The following SYNPR variants were observed in gnomAD, a reference collection of about 807,000 sequenced individuals.
SYNPR encodes the protein synaptoporin.
In SYNPR, 23 loss-of-function variants were observed where a neutral mutation model predicts 32.9. The ratio of observed to expected loss-of-function variants is 0.70; its 90% confidence interval spans 0.50 to 0.99. SYNPR has a LOEUF of 0.99. Among genes scored for constraint, SYNPR ranks in the 50% least tolerant of loss-of-function variants. The pLI, the probability that SYNPR is intolerant of heterozygous loss-of-function variation, is 0.00. For synonymous variants in SYNPR, 146 were observed against 135.9 expected (o/e 1.07, Z -0.52); for missense variants, 318 against 349.3 (o/e 0.91, Z 0.71).
chr3:63,390,474 T>C (rs1050796806), intron 2 of SYNPR, among the ~76,000 whole-genome samples: 3 of 152,168 alleles, frequency 2.0e-5, no homozygotes, highest in Admixed American at 6.5e-5. Context: ...TAGGGTGTCA[T>C]CACCAACTGC....
At position 63,426,224 on chromosome 3, in the gene SYNPR, G is replaced by A. The variant is rs187595482; in HGVS notation, c.85-54608G>A. ...TCCAAGGTTATATGCCTGTAAGTGG[G>A]GAAGCATTCAAACCCTTGTCTTCTC... On this transcript the variant is annotated intron_variant, in intron 2 of 5. Transcript: ENST00000478300. 1.1e-4 allele frequency among the ~76,000 whole-genome samples: 16 copies of A among 152,244 alleles called. No individual in the cohort carries two copies. In the East Asian group the frequency reaches 2.5e-3, roughly 24 times the overall value.
At chr3:63,248,544 T>C (rs1345245434) in intron 1 of SYNPR, among the ~76,000 whole-genome samples, 1 of 152,062 alleles carries the variant, frequency 6.6e-6, no homozygotes, top group East Asian at 1.9e-4. Context: ...TGCTACAGAA[T>C]CGAGGTGTTG....
At chr3:63,278,835 CCAAGCCGGAGATTCAACCCT>C in intron 2 of SYNPR, 93 bp downstream of exon 2, 1 of 1,358,522 alleles carries the variant, frequency 7.4e-7, no homozygotes, top group Non-Finnish European at 1.0e-6. Context: ...CAGTTCTGCT[CCAAGCCGGAGATTCAACCCT>C]CAAGCCGGGG....
At chr3:63,211,786 G>T in the SYNPR span, among the ~76,000 whole-genome samples, 1 of 142,150 alleles carries the variant, frequency 7.0e-6, no homozygotes, top group Non-Finnish European at 1.5e-5. Flanking sequence ...GTATACATGT[G>T]CCATGCTGGT....
chr3:63,610,357 G>A, intron 5 of SYNPR: 1 of 476,446 alleles, frequency 2.1e-6, no homozygotes, highest in Non-Finnish European at 3.8e-6. Flanking sequence ...TATAATGGCA[G>A]CAAAAAGCAG....
intron 3 of SYNPR, among the ~76,000 whole-genome samples, chr3:63,506,045 C>A (rs538108187): frequency 1.1e-4 from 16 of 151,860 alleles, no homozygotes; most frequent in Non-Finnish European, 1.8e-4. Context: ...GATTACTCCT[C>A]CACACTTTGT....
intron 2 of SYNPR, among the ~76,000 whole-genome samples, chr3:63,388,793 C>A (rs1015637939): frequency 6.6e-6 from 1 of 151,920 alleles, no homozygotes; most frequent in African/African-American, 2.4e-5. Flanking sequence ...AGAGACCAAG[C>A]CACATGAGGC....
chr3:63,289,438 T>C (rs2367781), intron 2 of SYNPR: 71,599 of 162,094 alleles, frequency 0.44, 16,612 homozygotes, highest in African/African-American at 0.5. Context: ...CTTCCACTCA[T>C]GGCAGAAGGC....
intron 2 of SYNPR, among the ~76,000 whole-genome samples, chr3:63,412,181 G>C (rs1038920326): frequency 2.6e-5 from 4 of 152,146 alleles, no homozygotes; most frequent in African/African-American, 9.7e-5. Context: ...AAGAGTATCA[G>C]ATTTGGCAGC....
intron 1 of SYNPR, among the ~76,000 whole-genome samples, chr3:63,248,415 G>A (rs138757660): frequency 2.0e-5 from 3 of 152,204 alleles, no homozygotes; most frequent in Middle Eastern, 3.4e-3. Context: ...AGATTTTAAG[G>A]TGCCTTCTAG....
intron 2 of SYNPR, among the ~76,000 whole-genome samples, chr3:63,397,678 G>T (rs551873701): frequency 2.6e-5 from 4 of 152,154 alleles, no homozygotes; most frequent in Non-Finnish European, 5.9e-5. Context: ...ACCAATTTTG[G>T]CATTAGGCAG....
At chr3:63,456,030 T>C (rs1217601253) in intron 2 of SYNPR, among the ~76,000 whole-genome samples, 1 of 152,140 alleles carries the variant, frequency 6.6e-6, no homozygotes, top group African/African-American at 2.4e-5. Flanking sequence ...GGGTAGCAAG[T>C]CACATCTTAG....
intron 3 of SYNPR, among the ~76,000 whole-genome samples, chr3:63,533,222 T>A (rs1559528440): frequency 6.6e-6 from 1 of 152,156 alleles, no homozygotes. Flanking sequence ...AACTGAAGGA[T>A]GGAAATGAAA....
At chr3:63,262,042 A>T (rs2086442544) in intron 2 of SYNPR, among the ~76,000 whole-genome samples, 2 of 151,114 alleles carry the variant, frequency 1.3e-5, no homozygotes, top group African/African-American at 2.4e-5. Flanking sequence ...AAAAAAACAA[A>T]CTCATGACTT....
intron 2 of SYNPR, among the ~76,000 whole-genome samples, chr3:63,406,738 G>A (rs2088365755): frequency 1.3e-5 from 2 of 152,152 alleles, no homozygotes; most frequent in South Asian, 2.1e-4. Flanking sequence ...TCTCACTGGA[G>A]TAACAGAAGA....
At chr3:63,242,621 T>C (rs1348546324) in intron 1 of SYNPR, among the ~76,000 whole-genome samples, 1 of 152,074 alleles carries the variant, frequency 6.6e-6, no homozygotes, top group Non-Finnish European at 1.5e-5. Flanking sequence ...CCAGTAGAGA[T>C]ACTTCATATC....
intron 2 of SYNPR, among the ~76,000 whole-genome samples, chr3:63,262,464 G>C (rs2086447229): frequency 6.6e-6 from 1 of 152,116 alleles, no homozygotes; most frequent in Non-Finnish European, 1.5e-5. Context: ...GTCAAATTTT[G>C]CTCCATAAGG....
chr3:63,518,295 A>G (rs928528946), intron 3 of SYNPR, among the ~76,000 whole-genome samples: 1 of 152,060 alleles, frequency 6.6e-6, no homozygotes. Context: ...AATACTCTCT[A>G]AAGACTATGT....
intron 2 of SYNPR, among the ~76,000 whole-genome samples, chr3:63,261,778 C>T (rs1575579344): frequency 1.3e-5 from 2 of 149,206 alleles, no homozygotes; most frequent in Admixed American, 6.7e-5. Flanking sequence ...ATCGCAAGGA[C>T]AAAAAACCAA....
Sources: allele counts gnomAD v4.1 joint callset (sites outside exome capture counted in the v4.1 genomes callset), GRCh38; gene constraint gnomAD v4.1.1; transcripts MANE v1.5; gene names NCBI Gene and HGNC (gene_info 2026-07-23, HGNC 2026-07-21).